The following TMC1 variants were observed in gnomAD, a reference collection of about 807,000 sequenced individuals.
TMC1 encodes the protein transmembrane channel like 1.
In TMC1, 84 loss-of-function variants were observed where a neutral mutation model predicts 105.8. That is an observed-to-expected ratio of 0.79 (90% confidence interval 0.67 to 0.95). The LOEUF (loss-of-function observed/expected upper bound fraction) is 0.95. TMC1 is among the 40% of genes least tolerant of loss of function. TMC1 has a pLI of 0.00. For synonymous variants in TMC1, 315 were observed against 311.5 expected, an observed-to-expected ratio of 1.01 and a Z score of -0.12; for missense variants, 817 against 914.1, an observed-to-expected ratio of 0.89 and a Z score of 1.37.
intron 2 of TMC1, among the ~76,000 whole-genome samples, chr9:72,590,014 T>C (rs923080398): frequency 1.3e-5 from 2 of 152,206 alleles, no homozygotes; most frequent in South Asian, 2.1e-4. Flanking sequence ...TGCTGACTTA[T>C]CTTGTGATCT....
chr9:72,779,280 T>G (rs1828054374), intron 13 of TMC1, among the ~76,000 whole-genome samples: 1 of 152,124 alleles, frequency 6.6e-6, no homozygotes, highest in Non-Finnish European at 1.5e-5. Flanking sequence ...ATTGCAACTT[T>G]AAAGATTAAA....
At chr9:72,652,208 G>C (rs1391941078) in intron 5 of TMC1, among the ~76,000 whole-genome samples, 1 of 152,094 alleles carries the variant, frequency 6.6e-6, no homozygotes, top group African/African-American at 2.4e-5. Context: ...GTATATCTGA[G>C]TAGAAGGTAA....
At chr9:72,527,090 T>C (rs1011134004) in intron 1 of TMC1, among the ~76,000 whole-genome samples, 1 of 152,182 alleles carries the variant, frequency 6.6e-6, no homozygotes, top group Non-Finnish European at 1.5e-5. Flanking sequence ...TTGTAGGATG[T>C]TAGCTCTGAG....
intron 7 of TMC1, among the ~76,000 whole-genome samples, chr9:72,695,799 C>T (rs970802240): frequency 6.6e-6 from 1 of 151,838 alleles, no homozygotes; most frequent in African/African-American, 2.4e-5. Context: ...CTAAGTTTTC[C>T]TCCTCCTCTT....
chr9:72,739,695 G>A (rs1239123926), intron 8 of TMC1, among the ~76,000 whole-genome samples: 1 of 151,948 alleles, frequency 6.6e-6, no homozygotes, highest in East Asian at 1.9e-4. Flanking sequence ...TTCTATGTCA[G>A]TTTGACCTAA....
chr9:72,613,789 AG>A (rs1192779840), intron 2 of TMC1, among the ~76,000 whole-genome samples: 3 of 151,998 alleles, frequency 2.0e-5, no homozygotes, highest in Non-Finnish European at 2.9e-5. Context: ...TGATGTGGCT[AG>A]ACAGGATTAA....
intron 5 of TMC1, among the ~76,000 whole-genome samples, chr9:72,669,804 T>C (rs1223453585): frequency 6.6e-6 from 1 of 152,134 alleles, no homozygotes; most frequent in Non-Finnish European, 1.5e-5. Flanking sequence ...ATACTGAATT[T>C]ACTCTTTTAT....
chr9:72,695,244 C>T (rs1445645623), intron 7 of TMC1, among the ~76,000 whole-genome samples: 1 of 152,246 alleles, frequency 6.6e-6, no homozygotes, highest in African/African-American at 2.4e-5. Flanking sequence ...AGTGTGCTAG[C>T]CCTTGTTACA....
chr9:72,607,002 T>TATATATAGAGAGAGAG (rs372785242), intron 2 of TMC1, among the ~76,000 whole-genome samples: 22 of 134,904 alleles, frequency 1.6e-4, no homozygotes, highest in African/African-American at 3.6e-4. Context: ...TATATATATA[T>TATATATAGAGAGAGAG]AGAGAGAGAG....
intron 3 of TMC1, among the ~76,000 whole-genome samples, chr9:72,622,646 G>T (rs955410210): frequency 7.2e-5 from 11 of 152,020 alleles, no homozygotes; most frequent in Non-Finnish European, 1.0e-4. Flanking sequence ...AAAGTTAAAG[G>T]CTCAACAATA....
At chr9:72,741,287 A>C (rs956545535) in intron 9 of TMC1, 1 of 245,778 alleles carries the variant, frequency 4.1e-6, no homozygotes, top group Admixed American at 5.0e-5. Context: ...TAATTTTGCC[A>C]TTTTCATCCA....
intron 1 of TMC1, among the ~76,000 whole-genome samples, chr9:72,564,972 G>A (rs567118775): frequency 6.6e-6 from 1 of 152,246 alleles, no homozygotes; most frequent in African/African-American, 2.4e-5. Context: ...AACTACTTAC[G>A]TATGTAATTT....
At chr9:72,794,348 C>T (rs1001189496) in intron 17 of TMC1, among the ~76,000 whole-genome samples, 1 of 150,918 alleles carries the variant, frequency 6.6e-6, no homozygotes, top group Non-Finnish European at 1.5e-5. Flanking sequence ...ACAGCCAGCT[C>T]TCAAGGGGGA....
At position 72,631,523 on chromosome 9, in the gene TMC1, G is replaced by A. The variant is rs562030310; in HGVS notation, c.-53+3460G>A. Among the ~76,000 whole-genome samples, 4 of 152,310 alleles carry A rather than the reference G, an allele frequency of 2.6e-5. No homozygotes were observed. The East Asian group carries it at 7.7e-4, about 29-fold the overall frequency. On this transcript the variant is annotated intron_variant, in intron 4 of 23. Coordinates refer to ENST00000297784, the MANE Select transcript of TMC1 (RefSeq NM_138691.3). Reference sequence around the variant, plus strand: ...TATAGAAAGCTACAATCTACAAATTGCTATGTACTACAGTCTACTAAATAG... The same window carrying A: ...TATAGAAAGCTACAATCTACAAATTACTATGTACTACAGTCTACTAAATAG...
chr9:72,535,155 A>G (rs1004836793), intron 1 of TMC1, among the ~76,000 whole-genome samples: 3 of 152,164 alleles, frequency 2.0e-5, no homozygotes, highest in Non-Finnish European at 4.4e-5. Flanking sequence ...TTCAGGGGAA[A>G]CTATGAGTCT....
chr9:72,654,008 G>A (rs1420141615), intron 5 of TMC1, among the ~76,000 whole-genome samples: 1 of 152,036 alleles, frequency 6.6e-6, no homozygotes, highest in East Asian at 1.9e-4. Flanking sequence ...TATTGTATAC[G>A]TGGTTCACAG....
intron 5 of TMC1, among the ~76,000 whole-genome samples, chr9:72,650,321 G>A (rs1825780412): frequency 6.6e-6 from 1 of 152,108 alleles, no homozygotes; most frequent in South Asian, 2.1e-4. Context: ...TGCCTGGTGT[G>A]GTTTGCATAA....
At chr9:72,719,378 T>C (rs1288490805) in intron 8 of TMC1, among the ~76,000 whole-genome samples, 1 of 152,210 alleles carries the variant, frequency 6.6e-6, no homozygotes, top group African/African-American at 2.4e-5. Context: ...TGGCTTCTTC[T>C]ACCCTTGTGT....
Position 72,837,644 on chromosome 9 carries a change from G to A in TMC1, c.*1671G>A, listed in dbSNP as rs13285182. Reference sequence around the variant, plus strand: ...AATTGACTTTAAGTAGTAACACTCAGTGCCCTCACTAGCCTTGTTGTGCGA... The same window carrying A: ...AATTGACTTTAAGTAGTAACACTCAATGCCCTCACTAGCCTTGTTGTGCGA... On this transcript the variant is annotated 3_prime_UTR_variant, in exon 24 of 24. Coordinates refer to ENST00000297784, the MANE Select transcript of TMC1 (RefSeq NM_138691.3). The A allele has an allele frequency of 0.16, 24,033 of 152,170 alleles. 2,002 individuals carry two copies. Among genetic ancestry groups the A allele is most frequent in the African/African-American group, 0.19 (7,890 of 41,480 alleles). 9.4% of individuals were successfully genotyped at this position (152,170 alleles called of 1,614,324 possible).
Sources: allele counts gnomAD v4.1 joint callset (sites outside exome capture counted in the v4.1 genomes callset), GRCh38; gene constraint gnomAD v4.1.1; transcripts MANE v1.5; gene names NCBI Gene and HGNC (gene_info 2026-07-23, HGNC 2026-07-21).